The following DMD variants were observed in gnomAD, a reference collection of about 807,000 sequenced individuals.
DMD encodes the protein dystrophin.
Under a neutral mutation model 330.1 loss-of-function variants are expected in DMD, and 63 were observed. The observed-to-expected ratio is 0.19, with a 90% CI of 0.16 to 0.24. DMD has a LOEUF of 0.24. DMD is among the 10% of genes least tolerant of loss of function. The pLI is 1.00. For missense variants in DMD, 3,344 were observed against 2,684.1 expected, an observed-to-expected ratio of 1.25 and a Z score of -5.43; for synonymous variants, 1,223 against 959.8, an observed-to-expected ratio of 1.27 and a Z score of -5.07.
chrX:33,301,298 T>C (rs1044355218), intron 1 of DMD, among the ~76,000 whole-genome samples: 4 of 111,400 alleles, frequency 3.6e-5, no homozygotes, highest in East Asian at 5.7e-4. Context: ...CTCTTCAAAA[T>C]AGTGTGTGGA....
intron 9 of DMD, among the ~76,000 whole-genome samples, chrX:32,692,625 A>G (rs2063359077): frequency 8.9e-6 from 1 of 111,882 alleles, no homozygotes; most frequent in Non-Finnish European, 1.9e-5. Flanking sequence ...TCTGCTCTGC[A>G]TGGTTCCAAG....
chrX:31,865,359 G>A (rs917512660), intron 48 of DMD, among the ~76,000 whole-genome samples: 1 of 111,840 alleles, frequency 8.9e-6, no homozygotes, highest in Non-Finnish European at 1.9e-5. Context: ...TGTTTTTCAG[G>A]ACACATTCCA....
intron 71 of DMD, among the ~76,000 whole-genome samples, chrX:31,173,932 A>G (rs1318424191): frequency 9.0e-6 from 1 of 111,367 alleles, no homozygotes; most frequent in Non-Finnish European, 1.9e-5. Context: ...CACATCCTAT[A>G]ATTCCGAAAT....
chrX:31,998,760 C>A (rs1013289552), intron 44 of DMD, among the ~76,000 whole-genome samples: 32 of 111,950 alleles, frequency 2.9e-4, no homozygotes, highest in African/African-American at 9.7e-4. Context: ...ATAGTTCCAA[C>A]TTCATAAAAA....
chrX:32,243,898 T>A (rs2097219125), intron 43 of DMD, among the ~76,000 whole-genome samples: 1 of 111,043 alleles, frequency 9.0e-6, no homozygotes, highest in South Asian at 3.8e-4. Context: ...AATTTTGTTT[T>A]CTCTTTGAAA....
At chrX:33,070,665 CTCTCTCTCTATATATATATATA>C (rs2094735332) in intron 1 of DMD, among the ~76,000 whole-genome samples, 1 of 45,864 alleles carries the variant, frequency 2.2e-5, no homozygotes, top group East Asian at 8.3e-4. Flanking sequence ...CTCTCTCTCT[CTCTCTCTCTATATATATATATA>C]TATATATATA....
chrX:31,425,590 A>AAG (rs1335186930), intron 60 of DMD, among the ~76,000 whole-genome samples: 6 of 111,433 alleles, frequency 5.4e-5, no homozygotes, highest in Admixed American at 3.8e-4. Flanking sequence ...TGATTGGCTT[A>AAG]AAGAGGTTCA....
At chrX:32,164,308 G>C (rs1008399573) in intron 44 of DMD, among the ~76,000 whole-genome samples, 8 of 111,835 alleles carry the variant, frequency 7.2e-5, no homozygotes, top group African/African-American at 2.6e-4. Context: ...GAAAAGTTTG[G>C]AACTTCCTAG....
rs755709613 is a variant in DMD at position 33,188,430 on chromosome X, C to A, written c.31+22852G>T. ...TCTGGTACTTTGTGGTTACCAGTTG[C>A]TATTGTACTTCCCACAAAGGATCAA... On this transcript the variant is annotated intron_variant, in intron 1 of 78. Transcript: ENST00000357033. Among the ~76,000 whole-genome samples, 4 of 110,693 alleles carry A rather than the reference C, an allele frequency of 3.6e-5. No homozygotes were observed. In the East Asian group the frequency reaches 1.1e-3, roughly 32 times the overall value.
At chrX:31,211,504 A>AT (rs2044670217) in intron 64 of DMD, among the ~76,000 whole-genome samples, 1 of 112,479 alleles carries the variant, frequency 8.9e-6, no homozygotes, top group Non-Finnish European at 1.9e-5. Flanking sequence ...CATCATAAAT[A>AT]TTTTGCCTCT....
At chrX:33,219,252 G>A (rs889664083) in intron 1 of DMD, among the ~76,000 whole-genome samples, 6 of 108,348 alleles carry the variant, frequency 5.5e-5, no homozygotes, top group African/African-American at 2.0e-4. Flanking sequence ...ATTGCCAGGT[G>A]GGAGTGAAGG....
chrX:31,422,017 A>AC (rs1491041502), intron 60 of DMD, among the ~76,000 whole-genome samples: 1 of 44,948 alleles, frequency 2.2e-5, no homozygotes, highest in African/African-American at 1.5e-4. Flanking sequence ...ATATATATAT[A>AC]AACACACACA....
intron 1 of DMD, among the ~76,000 whole-genome samples, chrX:33,196,387 A>G (rs2050940108): frequency 9.0e-6 from 1 of 111,557 alleles, no homozygotes; most frequent in African/African-American, 3.3e-5. Flanking sequence ...CCCTGAAGCT[A>G]GAAGATTCTC....
intron 44 of DMD, among the ~76,000 whole-genome samples, chrX:32,197,069 C>T (rs2050745929): frequency 9.1e-6 from 1 of 110,087 alleles, no homozygotes; most frequent in African/African-American, 3.3e-5. Context: ...AGAACCCTCC[C>T]CCAACATCTG....
intron 16 of DMD, among the ~76,000 whole-genome samples, chrX:32,546,972 A>T (rs960873343): frequency 9.8e-5 from 11 of 112,129 alleles, no homozygotes; most frequent in Non-Finnish European, 1.9e-4. Context: ...AAGAGCATTT[A>T]CTTTGTAATT....
At chrX:32,769,162 A>G (rs2073328395) in intron 7 of DMD, among the ~76,000 whole-genome samples, 1 of 112,736 alleles carries the variant, frequency 8.9e-6, no homozygotes, top group Non-Finnish European at 1.9e-5. Flanking sequence ...CACACTGCTG[A>G]TAAATACCTG....
chrX:31,367,221 T>C (rs2059309945), intron 60 of DMD, among the ~76,000 whole-genome samples: 1 of 111,314 alleles, frequency 9.0e-6, no homozygotes, highest in Non-Finnish European at 1.9e-5. Context: ...TTTCCTCCTT[T>C]ATAGCTCGGA....
intron 1 of DMD, among the ~76,000 whole-genome samples, chrX:33,263,641 T>C (rs2052996540): frequency 2.7e-5 from 3 of 109,166 alleles, no homozygotes; most frequent in Admixed American, 2.0e-4. Context: ...CATAATACTA[T>C]TATTACATAT....
At chrX:32,664,238 GTT>G (rs59135933) in intron 9 of DMD, among the ~76,000 whole-genome samples, 339 of 86,831 alleles carry the variant, frequency 3.9e-3, no homozygotes, top group African/African-American at 0.013. Context: ...CCTGGCATAG[GTT>G]TTTTTTTTTT....
Sources: allele counts gnomAD v4.1 joint callset (sites outside exome capture counted in the v4.1 genomes callset), GRCh38; gene constraint gnomAD v4.1.1; transcripts MANE v1.5; gene names NCBI Gene and HGNC (gene_info 2026-07-23, HGNC 2026-07-21).